Variants in HP1BP3 observed in about 807,000 individuals in gnomAD.
The protein encoded by HP1BP3 is heterochromatin protein 1-binding protein 3.
Under a neutral mutation model 62.5 loss-of-function variants are expected in HP1BP3, and 12 were observed. That is an observed-to-expected ratio of 0.19 (90% confidence interval 0.12 to 0.31). The LOEUF is 0.31. HP1BP3 is among the 10% of genes least tolerant of loss of function. The pLI is 1.00. For missense variants in HP1BP3, 502 were observed against 651.8 expected, an observed-to-expected ratio of 0.77 and a Z score of 2.50; for synonymous variants, 260 against 237.8, an observed-to-expected ratio of 1.09 and a Z score of -0.86.
chr1:20,784,197 T>G (rs1192519658), intron 1 of HP1BP3, among the ~76,000 whole-genome samples: 1 of 152,106 alleles, frequency 6.6e-6, no homozygotes, highest in Non-Finnish European at 1.5e-5. Flanking sequence ...CACAAACTCC[T>G]GGGCTCAAGC....
At position 20,785,966 on chromosome 1, in the gene HP1BP3, C is replaced by A. The variant is rs76147358; in HGVS notation, c.-101+1229G>T. Reference sequence around the variant, plus strand: ...GACAGCGTGCTCAAAAAGCCCCAGGCGATTTTTAGACGTTATTTCGAATTG... The same window carrying A: ...GACAGCGTGCTCAAAAAGCCCCAGGAGATTTTTAGACGTTATTTCGAATTG... On this transcript the variant is annotated intron_variant, in intron 1 of 12. Coordinates refer to ENST00000438032, the MANE Select transcript of HP1BP3 (RefSeq NM_001372052.1). 5.1e-3 allele frequency among the ~76,000 whole-genome samples: 774 copies of A among 152,262 alleles called. 7 individuals carry two copies. The highest frequency in any genetic ancestry group is 0.018 in the African/African-American group (751 of 41,554).
chr1:20,755,454 A>G (rs2056047539), intron 9 of HP1BP3: 1 of 420,866 alleles, frequency 2.4e-6, no homozygotes. Flanking sequence ...GCACGCCTAT[A>G]ATCCCAGCTA....
At chr1:20,760,971 G>C (rs984653582) in intron 8 of HP1BP3, among the ~76,000 whole-genome samples, 1 of 152,210 alleles carries the variant, frequency 6.6e-6, no homozygotes, top group African/African-American at 2.4e-5. Context: ...TCTAATACAG[G>C]TGAGAGATGA....
chr1:20,765,644 T>A, intron 7 of HP1BP3, 113 bp from the exon 8 acceptor site: 1 of 813,104 alleles, frequency 1.2e-6, no homozygotes, highest in African/African-American at 1.8e-5. Context: ...TGGCAATTTC[T>A]TTGATATAAA....
At position 20,780,426 on chromosome 1, in the gene HP1BP3, C is replaced by T. The variant is rs764491842; in HGVS notation, c.15G>A (p.Thr5=). MATD[T]SQGELVHPKA... ...TAGGATGGACGAGTTCACCTTGAGACGTATCAGTCGCCATTTTAAATAATT... is the reference window on the plus strand; with the variant it reads ...TAGGATGGACGAGTTCACCTTGAGATGTATCAGTCGCCATTTTAAATAATT... Residue 5 remains threonine, a synonymous_variant, in exon 2 of 13, where the codon ACG becomes ACA. Coordinates refer to ENST00000438032, the MANE Select transcript of HP1BP3 (RefSeq NM_001372052.1). 36 of 1,612,468 alleles carry T rather than the reference C, an allele frequency of 2.2e-5. No homozygotes were observed. The highest frequency in any genetic ancestry group is 2.7e-5 in the Non-Finnish European group (32 of 1,178,606).
At chr1:20,780,023 A>C (rs954341407) in intron 2 of HP1BP3, 112 bp from the exon 3 acceptor site, 2 of 743,800 alleles carry the variant, frequency 2.7e-6, no homozygotes, top group African/African-American at 3.5e-5. Context: ...AGTCGACTCC[A>C]GGATCTGATG....
At chr1:20,786,632 G>C (rs2057849137) in intron 1 of HP1BP3, 1 of 152,302 alleles carries the variant, frequency 6.6e-6, no homozygotes, top group African/African-American at 2.4e-5. Context: ...GCGAGCCTCG[G>C]CGCTCCGCAC....
intron 4 of HP1BP3, chr1:20,776,149 T>C (rs1049305683): frequency 2.3e-5 from 16 of 705,620 alleles, no homozygotes; most frequent in Non-Finnish European, 3.3e-5. Context: ...TATAGACTTT[T>C]AGGTCACACT....
chr1:20,771,702 T>C (rs2057068070), intron 5 of HP1BP3, among the ~76,000 whole-genome samples: 1 of 152,224 alleles, frequency 6.6e-6, no homozygotes, highest in African/African-American at 2.4e-5. Context: ...GCTCATTATG[T>C]CACAAAGGCA....
At chr1:20,765,615 A>AC (rs1407284386) in intron 7 of HP1BP3, 84 bp from the exon 8 acceptor site, 3 of 1,086,322 alleles carry the variant, frequency 2.8e-6, no homozygotes, top group Admixed American at 2.8e-5. Context: ...TCAGTTGATT[A>AC]CCAAATTTGT....
At position 20,776,651 on chromosome 1, in the gene HP1BP3, TC is replaced by T. The variant is rs1300110085; in HGVS notation, c.295del (p.Glu99AsnfsTer31). 1 of 1,613,998 alleles carries T rather than the reference TC, an allele frequency of 6.2e-7. No homozygotes were observed. On this transcript the variant is annotated frameshift_variant, in exon 4 of 13. Coordinates refer to ENST00000438032, the MANE Select transcript of HP1BP3 (RefSeq NM_001372052.1). LOFTEE classifies it high-confidence loss of function. ...TTCTTCCTTCTCTTCATTCTCAGGT[TC>T]CCCCTTTGGCTGCTCTGCCTCACTC... ...TSSEAEQPKG[E>X]PENEEKEENK... is the part of the protein sequence containing the mutation.
intron 1 of HP1BP3, among the ~76,000 whole-genome samples, chr1:20,784,382 C>T (rs897524274): frequency 6.6e-6 from 1 of 152,102 alleles, no homozygotes; most frequent in African/African-American, 2.4e-5. Flanking sequence ...TTGCTGCATA[C>T]CTGATGCCTA....
chr1:20,773,494 G>A lies in HP1BP3; in HGVS notation c.467C>T (p.Ser156Phe), dbSNP rs1454190501. 1.9e-6 allele frequency: 3 copies of A among 1,613,206 alleles called. No individual in the cohort carries two copies. Among genetic ancestry groups the A allele is most frequent in the Non-Finnish European group, 2.5e-6 (3 of 1,179,566 alleles). ...GATTGCATCCATCTTGGGACGTGGG[G>A]AAGAAGCCATCGGTGTTTGTTTCTG... ...RAQKQTPMAS[S>F]PRPKMDAILT... The change falls in exon 5 of 13, where the codon TCC (serine) becomes TTC (phenylalanine). Residue 156 changes from serine to phenylalanine, a missense_variant. By Grantham distance (155) the Ser-to-Phe change is radical. Coordinates refer to ENST00000438032, the MANE Select transcript of HP1BP3 (RefSeq NM_001372052.1).
chr1:20,748,796 A>G (rs1285809594), intron 10 of HP1BP3, among the ~76,000 whole-genome samples: 1 of 152,040 alleles, frequency 6.6e-6, no homozygotes, highest in Non-Finnish European at 1.5e-5. Context: ...TTACCTTTTA[A>G]TTACAATAAT....
At chr1:20,787,075 C>A (rs552496650) in intron 1 of HP1BP3, 120 bp downstream of exon 1, 34 of 151,966 alleles carry the variant, frequency 2.2e-4, no homozygotes, top group African/African-American at 8.2e-4. Context: ...GACCCGGGCG[C>A]CCCGCCCCCT....
chr1:20,779,380 C>T (rs1449203475), intron 3 of HP1BP3, among the ~76,000 whole-genome samples: 2 of 152,088 alleles, frequency 1.3e-5, no homozygotes, highest in East Asian at 1.9e-4. Flanking sequence ...CTTCTCTCTA[C>T]CAATACCTGT....
At chr1:20,748,996 G>A (rs1198434782) in intron 10 of HP1BP3, among the ~76,000 whole-genome samples, 1 of 152,080 alleles carries the variant, frequency 6.6e-6, no homozygotes, top group Non-Finnish European at 1.5e-5. Flanking sequence ...ATAAAGTATT[G>A]TCTGTTGTGG....
intron 7 of HP1BP3, among the ~76,000 whole-genome samples, chr1:20,765,931 C>T (rs1010841191): frequency 6.7e-6 from 1 of 149,836 alleles, no homozygotes; most frequent in African/African-American, 2.5e-5. Flanking sequence ...AGCCACCGCA[C>T]TCCAGCCTGG....
chr1:20,780,861 AG>A (rs1367825697), intron 1 of HP1BP3, among the ~76,000 whole-genome samples: 1 of 152,254 alleles, frequency 6.6e-6, no homozygotes, highest in Non-Finnish European at 1.5e-5. Flanking sequence ...AAAGAGACTA[AG>A]GAACAGTTAG....
Sources: gnomAD v4.1 joint callset for allele counts (sites outside exome capture counted in the v4.1 genomes callset) on GRCh38, gnomAD v4.1.1 for gene constraint, MANE v1.5 for transcripts, NCBI Gene and HGNC (gene_info 2026-07-23, HGNC 2026-07-21) for gene names.